The following SLC25A14 variants were observed in gnomAD, a reference collection of about 807,000 sequenced individuals.
SLC25A14 encodes the protein brain mitochondrial carrier protein 1.
SLC25A14 carries 8 observed loss-of-function variants against 28.1 expected under a neutral mutation model. The ratio of observed to expected loss-of-function variants is 0.28; its 90% confidence interval spans 0.17 to 0.51. The LOEUF is 0.51. SLC25A14 is among the 20% of genes least tolerant of loss of function. The pLI is 0.97. For synonymous variants in SLC25A14, 74 were observed against 90.6 expected (o/e 0.82, Z 1.04); for missense variants, 135 against 263.8 (o/e 0.51, Z 3.38).
chrX:130,365,910 T>C (rs2034104848), intron 9 of SLC25A14, among the ~76,000 whole-genome samples: 1 of 112,402 alleles, frequency 8.9e-6, no homozygotes, highest in South Asian at 3.7e-4. Flanking sequence ...AGGATGCTTT[T>C]ATTAATAGTA....
intron 2 of SLC25A14, among the ~76,000 whole-genome samples, chrX:130,343,059 T>C (rs1419663622): frequency 1.8e-5 from 2 of 111,245 alleles, no homozygotes; most frequent in Non-Finnish European, 3.8e-5. Flanking sequence ...ACATTTTCCT[T>C]ATTAAAGGGC....
chrX:130,363,501 A>G (rs368167643), intron 7 of SLC25A14, among the ~76,000 whole-genome samples: 79 of 112,278 alleles, frequency 7.0e-4, no homozygotes, highest in African/African-American at 2.5e-3. Flanking sequence ...GAATACTGCT[A>G]TGAACATTTC....
intron 2 of SLC25A14, among the ~76,000 whole-genome samples, chrX:130,344,247 G>A (rs905338677): frequency 8.9e-6 from 1 of 111,931 alleles, no homozygotes; most frequent in African/African-American, 3.2e-5. Flanking sequence ...AACTCTGGGG[G>A]AGAGGCCCAA....
In SLC25A14 at chrX:130,343,245, C is replaced by T. The variant is rs187840052; in HGVS notation, c.76-1937C>T. ...GTGAATGGAGAGTTAATTTTTTCCT[C>T]ACAAACTCAAAGAGGGGATATGCCA... On this transcript the variant is annotated intron_variant, in intron 2 of 10. Transcript: ENST00000545805. Among the ~76,000 whole-genome samples, 240 of 112,146 alleles carry T rather than the reference C, an allele frequency of 2.1e-3. 1 individual carries two copies. The highest frequency in any genetic ancestry group is 1.4e-3 in the Admixed American group (15 of 10,583).
intron 9 of SLC25A14, among the ~76,000 whole-genome samples, chrX:130,371,291 G>A (rs1409950558): frequency 1.8e-5 from 2 of 111,247 alleles, no homozygotes; most frequent in Admixed American, 1.9e-4. Flanking sequence ...GTTCATTGGG[G>A]GCCATCTTGG....
At chrX:130,370,399 A>G (rs2034234529) in intron 9 of SLC25A14, among the ~76,000 whole-genome samples, 1 of 112,105 alleles carries the variant, frequency 8.9e-6, no homozygotes, top group Non-Finnish European at 1.9e-5. Flanking sequence ...TCAATGTCTA[A>G]CACAATGCCT....
At chrX:130,366,542 T>C (rs749695147) in intron 9 of SLC25A14, among the ~76,000 whole-genome samples, 2 of 112,385 alleles carry the variant, frequency 1.8e-5, no homozygotes, top group South Asian at 7.4e-4. Flanking sequence ...GTTTCACAGC[T>C]ACTAAGTGGG....
chrX:130,350,061 C>T (rs2033578560), intron 5 of SLC25A14, among the ~76,000 whole-genome samples: 1 of 111,648 alleles, frequency 9.0e-6, no homozygotes, highest in Non-Finnish European at 1.9e-5. Context: ...TTGAATTTCA[C>T]TATAGAACAA....
intron 7 of SLC25A14, among the ~76,000 whole-genome samples, chrX:130,361,266 A>T (rs886919723): frequency 1.8e-5 from 2 of 111,914 alleles, no homozygotes; most frequent in Admixed American, 9.4e-5. Flanking sequence ...TCTTTTTTAG[A>T]CCCTGCTTTC....
At chrX:130,365,451 T>A (rs2034092074) in intron 8 of SLC25A14, 90 bp from the exon 9 acceptor site, 1 of 1,151,639 alleles carries the variant, frequency 8.7e-7, no homozygotes, top group African/African-American at 1.8e-5. Context: ...TGGGTCTGAG[T>A]TATATTGTAC....
chrX:130,364,189 C>T (rs1232945297), intron 7 of SLC25A14, among the ~76,000 whole-genome samples: 2 of 111,523 alleles, frequency 1.8e-5, no homozygotes, highest in African/African-American at 6.5e-5. Context: ...AAGGAAATAT[C>T]TTCAGGTCTT....
chrX:130,358,720 C>T lies in SLC25A14; in HGVS notation c.579C>T (p.Thr193=), dbSNP rs1198570306. 2 of 1,178,360 alleles carry T rather than the reference C, an allele frequency of 1.7e-6. No homozygotes were observed. Among genetic ancestry groups the T allele is most frequent in the African/African-American group, 3.5e-5 (2 of 56,477 alleles). Reference sequence around the variant, plus strand: ...TCGATATATACCAACAAGAAGGCACCAGGGGTCTGTGGAGGGTAAGTACTC... The same window carrying T: ...TCGATATATACCAACAAGAAGGCACTAGGGGTCTGTGGAGGGTAAGTACTC... ...SFIDIYQQEG[T]RGLWRGVVPT... is the part of the protein sequence containing the mutation. Residue 193 remains threonine (T), a synonymous_variant, in exon 7 of 11, where the codon ACC becomes ACT. Coordinates refer to ENST00000545805, the MANE Select transcript of SLC25A14 (RefSeq NM_001282195.2).
chrX:130,341,085 T>C (rs1174088107), intron 2 of SLC25A14, among the ~76,000 whole-genome samples: 1 of 111,781 alleles, frequency 8.9e-6, no homozygotes, highest in African/African-American at 3.3e-5. Flanking sequence ...TCCCTGCCCC[T>C]CTCCCTTACC....
At chrX:130,342,269 C>T (rs1053266391) in intron 2 of SLC25A14, among the ~76,000 whole-genome samples, 10 of 111,780 alleles carry the variant, frequency 8.9e-5, no homozygotes, top group African/African-American at 2.9e-4. Context: ...TGACACAACA[C>T]GCATGCATGT....
intron 6 of SLC25A14, among the ~76,000 whole-genome samples, chrX:130,351,976 A>G (rs148225547): frequency 6.7e-4 from 75 of 111,276 alleles, no homozygotes; most frequent in African/African-American, 2.4e-3. Flanking sequence ...TTACATGGGT[A>G]TATTGTATGA....
intron 9 of SLC25A14, among the ~76,000 whole-genome samples, chrX:130,368,911 C>T (rs2034193706): frequency 8.9e-6 from 1 of 112,421 alleles, no homozygotes; most frequent in South Asian, 3.7e-4. Context: ...CCTTTAAGTA[C>T]TTACATTTGC....
chrX:130,364,060 T>C (rs776293382), intron 7 of SLC25A14, among the ~76,000 whole-genome samples: 1 of 112,095 alleles, frequency 8.9e-6, no homozygotes. Context: ...AAAATCGTTA[T>C]AGCCATCCTA....
At chrX:130,355,388 A>G (rs2033757913) in intron 6 of SLC25A14, among the ~76,000 whole-genome samples, 1 of 112,146 alleles carries the variant, frequency 8.9e-6, no homozygotes, top group African/African-American at 3.2e-5. Flanking sequence ...AGTTTTGGAG[A>G]AACAATTTCA....
intron 7 of SLC25A14, 77 bp downstream of exon 7, chrX:130,358,812 C>G: frequency 1.3e-6 from 1 of 784,247 alleles, no homozygotes; most frequent in Non-Finnish European, 1.9e-6. Context: ...TATATAAAGA[C>G]ATAAAATCGT....
Sources: allele counts gnomAD v4.1 joint callset (sites outside exome capture counted in the v4.1 genomes callset), GRCh38; gene constraint gnomAD v4.1.1; transcripts MANE v1.5; gene names NCBI Gene and HGNC (gene_info 2026-07-23, HGNC 2026-07-21).